The following SEC14L5 variants were observed in gnomAD, a reference collection of about 807,000 sequenced individuals.
The protein encoded by SEC14L5 is SEC14-like protein 5.
Under a neutral mutation model 84.6 loss-of-function variants are expected in SEC14L5, and 96 were observed. That is an observed-to-expected ratio of 1.13 (90% CI 0.96 to 1.34). The LOEUF (loss-of-function observed/expected upper bound fraction) is 1.34, where lower values mean the gene tolerates loss of function less well. Among genes scored for constraint, SEC14L5 ranks in the 40% most tolerant of loss-of-function variants. SEC14L5 has a pLI of 0.00. For synonymous variants in SEC14L5, 546 were observed against 383.4 expected (o/e 1.42, Z -4.95); for missense variants, 1,224 against 942.5 (o/e 1.30, Z -3.91).
intron 14 of SEC14L5, 28 bp from the exon 15 acceptor site, chr16:5,011,067 G>A (rs1035980167): frequency 2.6e-6 from 4 of 1,567,384 alleles, no homozygotes; most frequent in African/African-American, 2.7e-5. Context: ...AGGGCGCAGG[G>A]CCTCAGGGCA....
chr16:5,003,807 G>A (rs978489386), intron 11 of SEC14L5, among the ~76,000 whole-genome samples: 3 of 152,124 alleles, frequency 2.0e-5, no homozygotes, highest in Non-Finnish European at 2.9e-5. Flanking sequence ...CATTTCTGTC[G>A]CCCCAAAAAG....
intron 13 of SEC14L5, among the ~76,000 whole-genome samples, chr16:5,008,029 T>C (rs1340903084): frequency 1.3e-5 from 2 of 150,812 alleles, no homozygotes; most frequent in African/African-American, 4.9e-5. Context: ...TGCCTCAGCC[T>C]CCCGAGTAGC....
At position 5,016,329 on chromosome 16, in the gene SEC14L5, G is replaced by A. The variant is rs1405653970; in HGVS notation, c.*1359G>A. On this transcript the variant is annotated 3_prime_UTR_variant, in exon 16 of 16. Coordinates refer to ENST00000251170, the MANE Select transcript of SEC14L5 (RefSeq NM_014692.2). ...GCCAGTCAGGGGTCACCAACTTGAA[G>A]CCTGATCTGGCCTGCTTTTAGTGTT... The A allele has an allele frequency of 2.0e-5, 3 of 152,324 alleles. No individual in the cohort carries two copies. Among genetic ancestry groups the A allele is most frequent in the East Asian group, 1.9e-4 (1 of 5,182 alleles). 9.4% of individuals were successfully genotyped at this position (152,324 alleles called of 1,614,324 possible).
intron 15 of SEC14L5, among the ~76,000 whole-genome samples, chr16:5,013,991 C>T (rs375029968): frequency 1.6e-4 from 24 of 152,324 alleles, no homozygotes; most frequent in African/African-American, 4.3e-4. Context: ...TGGCACCTGG[C>T]GAGGTTCTGC....
At chr16:5,003,256 T>C in intron 10 of SEC14L5, 146 bp from the exon 11 acceptor site, 1 of 634,734 alleles carries the variant, frequency 1.6e-6, no homozygotes, top group Non-Finnish European at 2.7e-6. Context: ...ATCCTCTTCA[T>C]CGCATGGGCT....
Position 4,992,003 on chromosome 16 carries a change from C to G in SEC14L5, c.640C>G (p.Pro214Ala). The G allele has an allele frequency of 6.3e-7, 1 of 1,578,894 alleles. No homozygotes were observed. The highest frequency in any genetic ancestry group is 8.6e-7 in the Non-Finnish European group (1 of 1,168,618). The change falls in exon 6 of 16, where the codon CCC becomes GCC. Residue 214 changes from proline to alanine, a missense_variant. Physicochemically the swap from Pro to Ala is conservative, Grantham distance 27 (BLOSUM62 -1). Coordinates refer to ENST00000251170, the MANE Select transcript of SEC14L5 (RefSeq NM_014692.2). ...CCACGGGCCCCGTAGCACCCTGGGG[C>G]CCGCTCTGGAGGCGGTCAGTATGGA... ...EAHGPRSTLGPALEAVSMDGD... is the reference protein window; with the variant it reads ...EAHGPRSTLGAALEAVSMDGD...
chr16:4,985,618 C>T (rs539378894), intron 2 of SEC14L5, among the ~76,000 whole-genome samples: 4 of 152,100 alleles, frequency 2.6e-5, no homozygotes, highest in South Asian at 2.1e-4. Context: ...GTCTTGACAC[C>T]TTTGTAAAAA....
At chr16:4,983,881 T>A (rs541702379) in intron 2 of SEC14L5, among the ~76,000 whole-genome samples, 297 of 8,178 alleles carry the variant, frequency 0.036, 2 homozygotes, top group African/African-American at 0.068. Context: ...CTGTCTCAAA[T>A]AAATAAATAA....
chr16:4,991,847 GT>G lies in SEC14L5; in HGVS notation c.485del (p.Val162GlyfsTer6). 6.2e-7 allele frequency: 1 copy of G among 1,604,636 alleles called. No individual in the cohort carries two copies. The highest frequency in any genetic ancestry group is 1.1e-5 in the South Asian group (1 of 89,566). Reference protein sequence around the residue: ...YTANVKRGKEVIEHYLNELIS... With the variant: ...YTANVKRGKEXIEHYLNELIS... ...TCTCTCTGGCTTCCAGGGGAAGGAG[GT>G]GATTGAGCATTACCTGAATGAGCTC... On this transcript the variant is annotated frameshift_variant, in exon 6 of 16. Coordinates refer to ENST00000251170, the MANE Select transcript of SEC14L5 (RefSeq NM_014692.2). LOFTEE classifies it high-confidence loss of function.
At chr16:5,004,870 G>A (rs1392986720) in intron 11 of SEC14L5, among the ~76,000 whole-genome samples, 1 of 152,198 alleles carries the variant, frequency 6.6e-6, no homozygotes. Flanking sequence ...GTGGAATACT[G>A]TTCCATCCAT....
rs1159189904 is a variant in SEC14L5 at position 4,972,311 on chromosome 16, T to C, written c.63+12925T>C. ...AGCCACTGCACCTGGCTTCACTCTA[T>C]AGTTTTTTATTGTGATGAAATACAC... On this transcript the variant is annotated intron_variant, in intron 2 of 15. Transcript: ENST00000251170. Among the ~76,000 whole-genome samples, 5 of 152,184 alleles carry C rather than the reference T, an allele frequency of 3.3e-5. No individual in the cohort carries two copies. The East Asian group carries it at 7.7e-4, about 23-fold the overall frequency.
At chr16:5,006,161 T>C (rs891934543) in intron 12 of SEC14L5, 113 bp downstream of exon 12, 4 of 1,067,248 alleles carry the variant, frequency 3.7e-6, no homozygotes, top group African/African-American at 1.6e-5. Flanking sequence ...GGGTGCGGCA[T>C]GTGCACTCTG....
intron 2 of SEC14L5, among the ~76,000 whole-genome samples, chr16:4,970,891 C>T (rs907507237): frequency 7.2e-5 from 11 of 152,020 alleles, no homozygotes; most frequent in Admixed American, 4.6e-4. Flanking sequence ...GGGTGGATCA[C>T]GAGGTCAGGA....
At chr16:5,012,917 A>AT (rs71139673) in intron 15 of SEC14L5, among the ~76,000 whole-genome samples, 1 of 148,466 alleles carries the variant, frequency 6.7e-6, no homozygotes, top group Non-Finnish European at 1.5e-5. Flanking sequence ...AAAAAAAAAA[A>AT]CCTACCTGAG....
chr16:5,001,939 A>AT (rs879623277), intron 10 of SEC14L5, among the ~76,000 whole-genome samples: 2,153 of 147,794 alleles, frequency 0.015, 31 homozygotes, highest in African/African-American at 0.035. Flanking sequence ...TGCCCAGCTA[A>AT]TTTTTTTTTT....
chr16:5,000,769 CGCCGTGCCTGGG>C, intron 9 of SEC14L5, 26 bp downstream of exon 9: 2 of 1,553,600 alleles, frequency 1.3e-6, no homozygotes, highest in Non-Finnish European at 1.7e-6. Context: ...CGTTCCTGGA[CGCCGTGCCTGGG>C]GCCGGGCCTG....
At chr16:4,992,642 A>G (rs1955564467) in intron 6 of SEC14L5, among the ~76,000 whole-genome samples, 1 of 152,260 alleles carries the variant, frequency 6.6e-6, no homozygotes. Flanking sequence ...CTTAGCAATT[A>G]TTATGAATTT....
chr16:4,958,813 TGTG>T (rs1203192771), intron 1 of SEC14L5, among the ~76,000 whole-genome samples: 2 of 151,748 alleles, frequency 1.3e-5, no homozygotes, highest in African/African-American at 2.4e-5. Context: ...GCCTGTGAAA[TGTG>T]GTGAAGGCTG....
At chr16:4,987,419 G>A in intron 2 of SEC14L5, 138 bp from the exon 3 acceptor site, 1 of 662,888 alleles carries the variant, frequency 1.5e-6, no homozygotes, top group Non-Finnish European at 2.4e-6. Context: ...GGTAATGACG[G>A]CAAAATCCCT....
Sources: gnomAD v4.1 joint callset for allele counts (sites outside exome capture counted in the v4.1 genomes callset) on GRCh38, gnomAD v4.1.1 for gene constraint, MANE v1.5 for transcripts, NCBI Gene and HGNC (gene_info 2026-07-23, HGNC 2026-07-21) for gene names.